ULK4: variants seen among roughly 807,000 people sequenced by gnomAD.
ULK4 encodes the protein inactive serine/threonine-protein kinase ULK4.
Under a neutral mutation model 160.6 loss-of-function variants are expected in ULK4, and 133 were observed. The ratio of observed to expected loss-of-function variants is 0.83; its 90% CI spans 0.72 to 0.96. The LOEUF (loss-of-function observed/expected upper bound fraction) is 0.96. Among genes scored for constraint, ULK4 ranks in the 40% least tolerant of loss-of-function variants. The pLI is 0.00. For synonymous variants in ULK4, 534 were observed against 539.8 expected (o/e 0.99, Z 0.15); for missense variants, 1,580 against 1,499.5 (o/e 1.05, Z -0.89).
intron 9 of ULK4, 106 bp downstream of exon 9, chr3:41,912,701 C>T: frequency 1.0e-6 from 1 of 967,772 alleles, no homozygotes; most frequent in South Asian, 1.8e-5. Flanking sequence ...TTTTCTCCTA[C>T]TACGAAAGCA....
chr3:41,351,153 C>A (rs2080902457), intron 35 of ULK4, among the ~76,000 whole-genome samples: 1 of 152,044 alleles, frequency 6.6e-6, no homozygotes, highest in South Asian at 2.1e-4. Flanking sequence ...AGCCAGCAAA[C>A]TTCTGGGTAG....
At chr3:41,765,769 A>G (rs2039141966) in intron 21 of ULK4, among the ~76,000 whole-genome samples, 1 of 152,200 alleles carries the variant, frequency 6.6e-6, no homozygotes, top group Non-Finnish European at 1.5e-5. Flanking sequence ...CAAAATGAAT[A>G]TATTATCTTG....
chr3:41,801,436 T>C (rs2040457332), intron 19 of ULK4, among the ~76,000 whole-genome samples: 1 of 151,590 alleles, frequency 6.6e-6, no homozygotes, highest in African/African-American at 2.4e-5. Context: ...TTCAAATTCA[T>C]GAAAACTGGT....
intron 31 of ULK4, among the ~76,000 whole-genome samples, chr3:41,595,898 T>C (rs2031655926): frequency 6.6e-6 from 1 of 152,176 alleles, no homozygotes; most frequent in Non-Finnish European, 1.5e-5. Context: ...GCTGTGACAC[T>C]GATCAGAGAA....
At chr3:41,325,896 G>A (rs570767332) in intron 35 of ULK4, among the ~76,000 whole-genome samples, 305 of 152,080 alleles carry the variant, frequency 2.0e-3, no homozygotes, top group African/African-American at 7.1e-3. Context: ...TCCAGCCTGG[G>A]TGACACAGCG....
chr3:41,557,089 T>C (rs185682601), intron 32 of ULK4, among the ~76,000 whole-genome samples: 5 of 152,300 alleles, frequency 3.3e-5, no homozygotes, highest in Admixed American at 3.3e-4. Flanking sequence ...ACCAATTAAA[T>C]ATAATTCATT....
intron 19 of ULK4, among the ~76,000 whole-genome samples, chr3:41,801,721 C>G (rs900335030): frequency 6.6e-6 from 1 of 151,850 alleles, no homozygotes; most frequent in African/African-American, 2.4e-5. Context: ...TAAGGTAGTA[C>G]ATGCCTATAC....
chr3:41,720,952 G>A (rs2037432185), intron 22 of ULK4, among the ~76,000 whole-genome samples: 1 of 152,016 alleles, frequency 6.6e-6, no homozygotes, highest in East Asian at 1.9e-4. Context: ...CAAAAAATTG[G>A]GGTAGGAAGT....
chr3:41,400,454 G>T (rs1016344103), intron 34 of ULK4, among the ~76,000 whole-genome samples: 2 of 152,054 alleles, frequency 1.3e-5, no homozygotes, highest in Non-Finnish European at 2.9e-5. Context: ...TGTATATATG[G>T]TTTTCTTCAC....
intron 13 of ULK4, 53 bp downstream of exon 13, chr3:41,900,671 GA>G (rs771564113): frequency 1.3e-5 from 18 of 1,334,410 alleles, no homozygotes; most frequent in Non-Finnish European, 1.9e-5. Context: ...ATCTCATGCA[GA>G]TTTCAGATCT....
intron 27 of ULK4, among the ~76,000 whole-genome samples, chr3:41,693,321 T>C (rs1024426147): frequency 5.3e-5 from 8 of 152,224 alleles, no homozygotes; most frequent in Non-Finnish European, 1.2e-4. Flanking sequence ...ATCACTCTTC[T>C]AGCGATTAAA....
chr3:41,765,666 A>G (rs1399685602), intron 21 of ULK4, among the ~76,000 whole-genome samples: 1 of 152,204 alleles, frequency 6.6e-6, no homozygotes, highest in Non-Finnish European at 1.5e-5. Flanking sequence ...TCATTAAATG[A>G]TATCCTTACT....
intron 2 of ULK4, among the ~76,000 whole-genome samples, chr3:41,951,654 A>C (rs1010178967): frequency 2.0e-5 from 3 of 152,228 alleles, no homozygotes; most frequent in Non-Finnish European, 4.4e-5. Context: ...TGTAAAAGAG[A>C]GAAGTTGGAC....
intron 29 of ULK4, among the ~76,000 whole-genome samples, chr3:41,664,646 C>T (rs1204657171): frequency 6.6e-6 from 1 of 152,022 alleles, no homozygotes; most frequent in Non-Finnish European, 1.5e-5. Flanking sequence ...AGTGGACTAC[C>T]CTTATCAGCT....
intron 32 of ULK4, among the ~76,000 whole-genome samples, chr3:41,533,249 T>C (rs1222448430): frequency 6.6e-6 from 1 of 152,160 alleles, no homozygotes; most frequent in African/African-American, 2.4e-5. Flanking sequence ...ATATGTGTTA[T>C]TTTAAGTCGC....
chr3:41,462,981 T>A (rs967926415), intron 33 of ULK4, 106 bp downstream of exon 33: 31 of 1,345,264 alleles, frequency 2.3e-5, no homozygotes, highest in African/African-American at 2.9e-5. Context: ...TATACATTCT[T>A]TTAAATAAGT....
intron 31 of ULK4, among the ~76,000 whole-genome samples, chr3:41,583,757 G>A (rs1319793391): frequency 6.6e-6 from 1 of 152,202 alleles, no homozygotes; most frequent in Non-Finnish European, 1.5e-5. Flanking sequence ...GACCAGAACT[G>A]CTTGACTATT....
chr3:41,362,666 A>G (rs1411448799), intron 35 of ULK4, among the ~76,000 whole-genome samples: 1 of 152,222 alleles, frequency 6.6e-6, no homozygotes, highest in Non-Finnish European at 1.5e-5. Flanking sequence ...ATCCACATCA[A>G]TGACTCAGTC....
intron 33 of ULK4, among the ~76,000 whole-genome samples, chr3:41,457,553 C>G (rs1372836821): frequency 6.6e-6 from 1 of 152,170 alleles, no homozygotes; most frequent in African/African-American, 2.4e-5. Flanking sequence ...AAGCTCTGTG[C>G]AACAAAAGGA....
Sources: allele counts gnomAD v4.1 joint callset (sites outside exome capture counted in the v4.1 genomes callset), GRCh38; gene constraint gnomAD v4.1.1; transcripts MANE v1.5; gene names NCBI Gene and HGNC (gene_info 2026-07-23, HGNC 2026-07-21).